Variants in CCT4 observed in about 807,000 individuals in gnomAD.
CCT4 encodes the protein chaperonin containing TCP1 subunit 4.
Under a neutral mutation model 62.5 loss-of-function variants are expected in CCT4, and 17 were observed. The observed-to-expected ratio is 0.27, with a 90% CI of 0.19 to 0.41. The LOEUF (loss-of-function observed/expected upper bound fraction) is 0.41. CCT4 is among the 10% of genes least tolerant of loss of function. The pLI, the probability that CCT4 is intolerant of heterozygous loss-of-function variation, is 1.00. For synonymous variants in CCT4, 250 were observed against 229.9 expected, an observed-to-expected ratio of 1.09 and a Z score of -0.79; for missense variants, 592 against 659.2, an observed-to-expected ratio of 0.90 and a Z score of 1.12.
chr2:61,872,585 T>C lies in CCT4; in HGVS notation c.1129A>G (p.Thr377Ala), dbSNP rs762014694. Residue 377 changes from threonine to alanine, a missense_variant, in exon 11 of 14, where the codon ACA becomes GCA. Physicochemically the swap from Thr to Ala is moderately conservative, Grantham distance 58 (BLOSUM62 0). Coordinates refer to ENST00000394440, the MANE Select transcript of CCT4 (RefSeq NM_006430.4). ...GTTTTTCCAGGGCTGGCACAGCCTG[T>C]AATCTTCAGTAAACAAATTCCAAAT... ...LNGSGKLLKITGCASPGKTVT... is the reference protein window; with the variant it reads ...LNGSGKLLKIAGCASPGKTVT... The C allele has an allele frequency of 2.0e-5, 33 of 1,612,774 alleles. No homozygotes were observed. Among genetic ancestry groups the C allele is most frequent in the Admixed American group, 5.0e-5 (3 of 59,578 alleles).
At chr2:61,883,675 A>G (rs1484789843) in intron 2 of CCT4, 127 bp from the exon 3 acceptor site, 1 of 613,036 alleles carries the variant, frequency 1.6e-6, no homozygotes, top group Non-Finnish European at 2.8e-6. Context: ...CTCTTCCCTT[A>G]CATTAGCATA....
chr2:61,885,122 T>G (rs766358950), intron 1 of CCT4, 50 bp from the exon 2 acceptor site: 1 of 1,454,684 alleles, frequency 6.9e-7, no homozygotes, highest in African/African-American at 1.5e-5. Context: ...TTTTTTTTTT[T>G]TAAGAGACAG....
intron 1 of CCT4, chr2:61,887,943 C>T (rs548928730): frequency 6.5e-6 from 1 of 154,066 alleles, no homozygotes; most frequent in African/African-American, 2.4e-5. Flanking sequence ...CCCAATTCGT[C>T]TCAACAGTTG....
chr2:61,885,098 AAAC>A, intron 1 of CCT4, 26 bp from the exon 2 acceptor site: 1 of 1,514,428 alleles, frequency 6.6e-7, no homozygotes, highest in Non-Finnish European at 8.8e-7. Context: ...AAAAAAAAGA[AAAC>A]AAATTAGAAC....
intron 11 of CCT4, 56 bp downstream of exon 11, chr2:61,872,397 AAATAG>A: frequency 6.9e-7 from 1 of 1,448,062 alleles, no homozygotes; most frequent in Non-Finnish European, 9.3e-7. Flanking sequence ...TATCTTTAAA[AAATAG>A]AATATAATAG....
At chr2:61,880,882 A>G (rs1669097323) in intron 3 of CCT4, among the ~76,000 whole-genome samples, 1 of 151,898 alleles carries the variant, frequency 6.6e-6, no homozygotes, top group South Asian at 2.1e-4. Context: ...CTTTTTTTAA[A>G]AAGTCTTTTT....
chr2:61,872,365 ATTT>A (rs1396866662), intron 11 of CCT4, 49 bp from the exon 12 acceptor site: 2 of 1,433,708 alleles, frequency 1.4e-6, no homozygotes, highest in South Asian at 1.4e-5. Context: ...AAAGAAAATT[ATTT>A]TTAATAATTT....
intron 5 of CCT4, among the ~76,000 whole-genome samples, chr2:61,877,725 TTTTTC>T (rs1388259815): frequency 6.6e-6 from 1 of 152,132 alleles, no homozygotes; most frequent in Non-Finnish European, 1.5e-5. Flanking sequence ...TATGCTTGCT[TTTTTC>T]TTTTATTAAT....
At chr2:61,879,137 G>A (rs1018903769) in intron 4 of CCT4, 126 bp from the exon 5 acceptor site, 1 of 647,756 alleles carries the variant, frequency 1.5e-6, no homozygotes, top group Non-Finnish European at 2.6e-6. Flanking sequence ...ACAAACTTAT[G>A]CTTCAGTTGT....
chr2:61,876,278 T>C (rs756133983), intron 7 of CCT4, 44 bp from the exon 8 acceptor site: 32 of 1,480,014 alleles, frequency 2.2e-5, no homozygotes, highest in Middle Eastern at 1.8e-4. Context: ...TAAGATATTT[T>C]AAGTTTAAAA....
chr2:61,884,719 C>T (rs982823349), intron 2 of CCT4, among the ~76,000 whole-genome samples: 27 of 151,952 alleles, frequency 1.8e-4, no homozygotes, highest in Middle Eastern at 3.4e-3. Context: ...ACCTCTGCCT[C>T]CCAGGTTCAA....
Position 61,878,894 on chromosome 2 carries a change from C to A in CCT4, c.497G>T (p.Ser166Ile). The change falls in exon 5 of 14, where the codon AGT (serine) becomes ATT (isoleucine). Residue 166 changes from serine to isoleucine, a missense_variant. Ser to Ile is a moderately radical substitution (Grantham distance 142). Transcript: ENST00000394440. ...ELSDRETLLN[S>I]ATTSLNSKVV... Reference sequence around the variant, plus strand: ...CTTTGAGTTCAGTGAAGTGGTTGCACTATTTAACAAAGTTTCTCTGTCACT... The same window carrying A: ...CTTTGAGTTCAGTGAAGTGGTTGCAATATTTAACAAAGTTTCTCTGTCACT... The A allele has an allele frequency of 6.2e-7, 1 of 1,610,398 alleles. No individual in the cohort carries two copies.
intron 12 of CCT4, among the ~76,000 whole-genome samples, chr2:61,871,261 C>G (rs781574546): frequency 4.6e-5 from 7 of 152,004 alleles, no homozygotes; most frequent in Admixed American, 6.6e-5. Flanking sequence ...TAGTCTCAAA[C>G]TCTTGCCCTC....
chr2:61,885,111 CTT>C (rs57035931), intron 1 of CCT4, 39 bp from the exon 2 acceptor site: 154 of 1,223,434 alleles, frequency 1.3e-4, no homozygotes, highest in Middle Eastern at 4.1e-4. Context: ...CAAATTAGAA[CTT>C]TTTTTTTTTT....
chr2:61,868,676 TAGTC>T lies in CCT4; in HGVS notation c.*12_*15del. The T allele has an allele frequency of 6.3e-7, 1 of 1,578,574 alleles. No individual in the cohort carries two copies. The highest frequency in any genetic ancestry group is 8.7e-7 in the Non-Finnish European group (1 of 1,147,838). On this transcript the variant is annotated 3_prime_UTR_variant, in exon 14 of 14. Transcript: ENST00000394440. ...ACAATACTGGTGATCATAATGGTGC[TAGTC>T]AGTTATCCAGATTATCGAGTGTTTA... is the stretch of plus-strand genomic sequence containing the variant.
At position 61,885,083 on chromosome 2, in the gene CCT4, G is replaced by T; in HGVS notation, c.128-11C>A. The stretch of plus-strand genomic sequence containing the variant: ...TAGCATCAGCAACCGCTGCAGATGG[G>T]GGGGAAAAAAAAGAAAACAAATTAG... On this transcript the variant is annotated splice_polypyrimidine_tract_variant and intron_variant, in intron 1 of 13. Transcript: ENST00000394440. 1 of 1,463,322 alleles carries T rather than the reference G, an allele frequency of 6.8e-7. No homozygotes were observed. Among genetic ancestry groups the T allele is most frequent in the Non-Finnish European group, 9.0e-7 (1 of 1,117,298 alleles). The allele number at this position is 1,463,322 out of a possible 1,614,324, so 90.6% of individuals were successfully genotyped here. A position where few individuals can be genotyped will look rare whatever the true frequency, so the allele number is the denominator to read the frequency against.
chr2:61,872,405 T>A, intron 11 of CCT4, 53 bp downstream of exon 11: 2 of 1,472,852 alleles, frequency 1.4e-6, no homozygotes, highest in Non-Finnish European at 1.8e-6. Flanking sequence ...AAAAATAGAA[T>A]ATAATAGTTT....
intron 1 of CCT4, 92 bp downstream of exon 1, chr2:61,888,289 G>C: frequency 2.8e-6 from 4 of 1,441,516 alleles, no homozygotes; most frequent in Non-Finnish European, 3.8e-6. Context: ...ATCACCCGAA[G>C]AAATGGGAAA....
rs780166511 is a variant in CCT4, at chr2:61,876,995, T to C, written c.702A>G (p.Ser234=). 6 of 1,613,634 alleles carry C rather than the reference T, an allele frequency of 3.7e-6. No homozygotes were observed. In the African/African-American group the frequency reaches 8.0e-5, roughly 22 times the overall value. ...TTTCAACTCTGGTTATGCCAGAATT[T>C]GACACTTTTTGGGTGAGAACCAGCC... ...VEGLVLTQKV[S]NSGITRVEKA... The change falls in exon 7 of 14, where the codon TCA becomes TCG. Residue 234 remains serine (S), a synonymous_variant. Transcript: ENST00000394440.
Sources: allele counts gnomAD v4.1 joint callset (sites outside exome capture counted in the v4.1 genomes callset), GRCh38; gene constraint gnomAD v4.1.1; transcripts MANE v1.5; gene names NCBI Gene and HGNC (gene_info 2026-07-23, HGNC 2026-07-21).